The following HAT1 variants were observed in gnomAD, a reference collection of about 807,000 sequenced individuals.
The protein encoded by HAT1 is histone acetyltransferase type B catalytic subunit.
HAT1 carries 20 observed loss-of-function variants against 56.6 expected under a neutral mutation model. That is an observed-to-expected ratio of 0.35 (90% CI 0.25 to 0.51). The LOEUF is 0.51. Ranked by LOEUF, HAT1 falls within the 20% of genes least tolerant of loss-of-function variation. The pLI is 0.95. For synonymous variants in HAT1, 146 were observed against 165.5 expected (o/e 0.88, Z 0.91); for missense variants, 408 against 504.3 (o/e 0.81, Z 1.83).
At chr2:171,945,293 A>G (rs757903407) in intron 2 of HAT1, among the ~76,000 whole-genome samples, 1 of 152,122 alleles carries the variant, frequency 6.6e-6, no homozygotes, top group Non-Finnish European at 1.5e-5. Context: ...AATACAAATA[A>G]AAATAATAAA....
chr2:171,927,787 G>A (rs888021807), intron 2 of HAT1, among the ~76,000 whole-genome samples: 3 of 151,502 alleles, frequency 2.0e-5, no homozygotes, highest in Non-Finnish European at 4.4e-5. Flanking sequence ...ATAGGGTTTC[G>A]CCATGTTGGT....
At position 171,952,878 on chromosome 2, in the gene HAT1, C is replaced by T; in HGVS notation, c.189-3C>T. 2 of 1,576,146 alleles carry T rather than the reference C, an allele frequency of 1.3e-6. No individual in the cohort carries two copies. The highest frequency in any genetic ancestry group is 1.7e-6 in the Non-Finnish European group (2 of 1,159,750). Reference sequence around the variant, plus strand: ...TCCATTATTGCTATTTTTTCCATTTCAGTGAAACTGCTTTTGGTTACAAGG... The same window carrying T: ...TCCATTATTGCTATTTTTTCCATTTTAGTGAAACTGCTTTTGGTTACAAGG... On this transcript the variant is annotated splice_polypyrimidine_tract_variant and splice_region_variant and intron_variant, in intron 3 of 10. Coordinates refer to ENST00000264108, the MANE Select transcript of HAT1 (RefSeq NM_003642.4).
At chr2:171,936,955 GTATT>G (rs768114015) in intron 2 of HAT1, among the ~76,000 whole-genome samples, 2 of 152,008 alleles carry the variant, frequency 1.3e-5, no homozygotes, top group African/African-American at 2.4e-5. Flanking sequence ...AAATACTTAA[GTATT>G]TATTTATTTA....
At chr2:171,951,931 A>T (rs944935905) in intron 3 of HAT1, among the ~76,000 whole-genome samples, 4 of 152,134 alleles carry the variant, frequency 2.6e-5, no homozygotes, top group African/African-American at 9.7e-5. Context: ...CATAACTTTC[A>T]GAGTTGCTGG....
At chr2:171,976,477 C>T (rs1687969686) in intron 9 of HAT1, among the ~76,000 whole-genome samples, 169 bp downstream of exon 9, 1 of 152,162 alleles carries the variant, frequency 6.6e-6, no homozygotes, top group Non-Finnish European at 1.5e-5. Flanking sequence ...CTAGCTCCAA[C>T]ACTTGCTCTG....
At chr2:171,963,496 C>T (rs777751162) in intron 4 of HAT1, among the ~76,000 whole-genome samples, 129 of 152,088 alleles carry the variant, frequency 8.5e-4, no homozygotes, top group Non-Finnish European at 6.3e-4. Flanking sequence ...AAGTGATTTG[C>T]AATGCCTTCT....
chr2:171,972,383 T>C (rs1687839051), intron 8 of HAT1, among the ~76,000 whole-genome samples: 1 of 152,102 alleles, frequency 6.6e-6, no homozygotes, highest in Non-Finnish European at 1.5e-5. Flanking sequence ...TGCCTCAGAC[T>C]CCCAAGTAGC....
Position 171,965,771 on chromosome 2 carries a change from C to G in HAT1, c.490-16C>G, listed in dbSNP as rs751341862. 6.2e-7 allele frequency: 1 copy of G among 1,610,150 alleles called. No homozygotes were observed. On this transcript the variant is annotated splice_polypyrimidine_tract_variant and intron_variant, in intron 5 of 10. Coordinates refer to ENST00000264108, the MANE Select transcript of HAT1 (RefSeq NM_003642.4). ...TGTGATGAGTTTCACCTGACTTTTC[C>G]TGGCTTTTTCCCTAGGCTGACATGA...
intron 3 of HAT1, among the ~76,000 whole-genome samples, chr2:171,949,417 C>T (rs888898674): frequency 6.6e-6 from 1 of 152,048 alleles, no homozygotes; most frequent in African/African-American, 2.4e-5. Context: ...GTGGTTTAGA[C>T]CTGTAATCCC....
intron 3 of HAT1, among the ~76,000 whole-genome samples, chr2:171,951,680 C>A (rs200583885): frequency 0.27 from 40,607 of 150,138 alleles, 6,625 homozygotes; most frequent in East Asian, 0.65. Context: ...GATCCCCCCC[C>A]GCCTCAGCAT....
intron 3 of HAT1, among the ~76,000 whole-genome samples, chr2:171,949,944 A>T (rs577672752): frequency 4.6e-5 from 7 of 152,216 alleles, no homozygotes; most frequent in African/African-American, 1.2e-4. Flanking sequence ...AATTTTGGTG[A>T]TACTTTACTT....
At chr2:171,931,986 G>T (rs1204228982) in intron 2 of HAT1, among the ~76,000 whole-genome samples, 2 of 152,190 alleles carry the variant, frequency 1.3e-5, no homozygotes, top group African/African-American at 4.8e-5. Context: ...TTATCAGGTT[G>T]AGGAAGTTTC....
At chr2:171,959,533 T>C (rs1687525189) in intron 4 of HAT1, among the ~76,000 whole-genome samples, 1 of 152,276 alleles carries the variant, frequency 6.6e-6, no homozygotes, top group African/African-American at 2.4e-5. Context: ...GGAATCAATC[T>C]TTTATAATGT....
At chr2:171,978,842 T>G (rs1688055071) in intron 9 of HAT1, among the ~76,000 whole-genome samples, 1 of 151,892 alleles carries the variant, frequency 6.6e-6, no homozygotes, top group South Asian at 2.1e-4. Context: ...CTCTAATACT[T>G]TGGGAGGTTG....
intron 6 of HAT1, 182 bp from the exon 7 acceptor site, chr2:171,966,227 A>G: frequency 1.6e-6 from 1 of 635,950 alleles, no homozygotes. Context: ...GGTCTGATTT[A>G]TCCAAGTTGC....
At chr2:171,926,181 G>A (rs886355659) in intron 2 of HAT1, among the ~76,000 whole-genome samples, 1 of 152,014 alleles carries the variant, frequency 6.6e-6, no homozygotes, top group African/African-American at 2.4e-5. Context: ...GCCACGGCAT[G>A]GTCATAGCTC....
chr2:171,983,610 A>G lies in HAT1; in HGVS notation c.*258A>G, dbSNP rs1688188707. ...CTTCCCTTCTTAAACAGTATAATAA[A>G]TGCTTAGTTGTGATATGTTAATGTG... On this transcript the variant is annotated 3_prime_UTR_variant, in exon 11 of 11. Coordinates refer to ENST00000264108, the MANE Select transcript of HAT1 (RefSeq NM_003642.4). 3.6e-6 allele frequency: 1 copy of G among 278,722 alleles called. No individual in the cohort carries two copies. The highest frequency in any genetic ancestry group is 6.6e-6 in the Non-Finnish European group (1 of 150,444). The allele number at this position is 278,722 out of a possible 1,614,324, so 17.3% of individuals were successfully genotyped here.
chr2:171,937,565 C>T (rs552217467), intron 2 of HAT1, among the ~76,000 whole-genome samples: 1 of 151,958 alleles, frequency 6.6e-6, no homozygotes, highest in African/African-American at 2.4e-5. Flanking sequence ...GCAAAAGAAA[C>T]CAGGTTAAGT....
At chr2:171,975,721 G>A (rs775009152) in intron 8 of HAT1, among the ~76,000 whole-genome samples, 30 of 151,952 alleles carry the variant, frequency 2.0e-4, no homozygotes, top group South Asian at 2.1e-4. Context: ...TTTCATGCCT[G>A]ATTTTGGTAA....
Sources: gnomAD v4.1 joint callset for allele counts (sites outside exome capture counted in the v4.1 genomes callset) on GRCh38, gnomAD v4.1.1 for gene constraint, MANE v1.5 for transcripts, NCBI Gene and HGNC (gene_info 2026-07-23, HGNC 2026-07-21) for gene names.